Variants in SPIDR observed in about 807,000 individuals in gnomAD.
The protein encoded by SPIDR is DNA repair-scaffolding protein.
SPIDR carries 93 observed loss-of-function variants against 104.6 expected under a neutral mutation model. The observed-to-expected ratio is 0.89, with a 90% CI of 0.75 to 1.06. The LOEUF (loss-of-function observed/expected upper bound fraction) is 1.06. SPIDR is among the 50% of genes least tolerant of loss of function. SPIDR has a pLI of 0.00. For missense variants in SPIDR, 1,154 were observed against 1,111.2 expected (o/e 1.04, Z -0.55); for synonymous variants, 431 against 416.9 (o/e 1.03, Z -0.41).
At chr8:47,654,083 GC>G in intron 10 of SPIDR, 2 of 1,289,778 alleles carry the variant, frequency 1.6e-6, no homozygotes, top group Non-Finnish European at 2.0e-6. Flanking sequence ...ATCTTCTTAG[GC>G]CCCACCATGT....
At chr8:47,341,625 C>G (rs1357206295) in intron 5 of SPIDR, among the ~76,000 whole-genome samples, 1 of 152,020 alleles carries the variant, frequency 6.6e-6, no homozygotes, top group Admixed American at 6.6e-5. Flanking sequence ...TTTCCCTACA[C>G]CTGGATCTCC....
At chr8:47,331,992 T>C (rs2048812616) in intron 5 of SPIDR, among the ~76,000 whole-genome samples, 21 of 104,062 alleles carry the variant, frequency 2.0e-4, no homozygotes, top group Non-Finnish European at 3.4e-4. Flanking sequence ...TTTTTCTCTT[T>C]TTTTTTTTTT....
intron 6 of SPIDR, among the ~76,000 whole-genome samples, chr8:47,398,147 G>C (rs1181524133): frequency 6.6e-6 from 1 of 152,202 alleles, no homozygotes. Flanking sequence ...ATTTGTAATA[G>C]AAGGTGGTTT....
intron 5 of SPIDR, among the ~76,000 whole-genome samples, chr8:47,372,536 G>C (rs1725000823): frequency 6.6e-6 from 1 of 152,176 alleles, no homozygotes; most frequent in African/African-American, 2.4e-5. Context: ...TGAGGCAGGA[G>C]AATCGCTTGA....
At position 47,329,133 on chromosome 8, in the gene SPIDR, T is replaced by C. The variant is rs369012050; in HGVS notation, c.525+35103T>C. On this transcript the variant is annotated intron_variant, in intron 5 of 19. Coordinates refer to ENST00000297423, the MANE Select transcript of SPIDR (RefSeq NM_001080394.4). ...TCGCCCAGGCTGGAGTGCAGTGGTG[T>C]AATCTCAGCTCACTGCAACCTCCGC... Among the ~76,000 whole-genome samples the C allele has an allele frequency of 3.0e-3, 455 of 151,222 alleles. 1 individual carries two copies. Among genetic ancestry groups the C allele is most frequent in the African/African-American group, 0.011 (444 of 41,128 alleles).
chr8:47,520,818 A>G (rs141242585), intron 8 of SPIDR, among the ~76,000 whole-genome samples: 1 of 152,308 alleles, frequency 6.6e-6, no homozygotes, highest in East Asian at 1.9e-4. Flanking sequence ...TTGCCATCCT[A>G]TGATCTGTAG....
chr8:47,701,532 A>G (rs952037467), intron 12 of SPIDR, among the ~76,000 whole-genome samples, 189 bp from the exon 13 acceptor site: 2 of 152,252 alleles, frequency 1.3e-5, no homozygotes, highest in Admixed American at 6.5e-5. Context: ...TAATAGGTTC[A>G]TAAGTATGGA....
chr8:47,304,022 G>C (rs1185778614), intron 5 of SPIDR, among the ~76,000 whole-genome samples: 2 of 152,108 alleles, frequency 1.3e-5, no homozygotes, highest in African/African-American at 4.8e-5. Flanking sequence ...TTTGATTACT[G>C]ATAAGACTTT....
Position 47,520,599 on chromosome 8 carries a change from T to G in SPIDR, c.1098-75212T>G, listed in dbSNP as rs563157805. ...GGAAGTGGCATGAAAATTCTTAACT[T>G]ATTCCTTTCAAAAAAGAAGCTAACT... On this transcript the variant is annotated intron_variant, in intron 8 of 19. Coordinates refer to ENST00000297423, the MANE Select transcript of SPIDR (RefSeq NM_001080394.4). Among the ~76,000 whole-genome samples the G allele has an allele frequency of 2.1e-4, 32 of 152,340 alleles. No homozygotes were observed. The South Asian group carries it at 6.6e-3, about 32-fold the overall frequency.
chr8:47,445,522 C>T (rs2070413245), intron 8 of SPIDR, among the ~76,000 whole-genome samples: 1 of 152,112 alleles, frequency 6.6e-6, no homozygotes, highest in African/African-American at 2.4e-5. Flanking sequence ...CCCTAATATG[C>T]CCTCTAAGTG....
intron 5 of SPIDR, among the ~76,000 whole-genome samples, chr8:47,340,402 T>C (rs114322135): frequency 0.021 from 3,251 of 152,050 alleles, 122 homozygotes; most frequent in African/African-American, 0.074. Context: ...GTCAGGAGTT[T>C]GAGATGAGGC....
chr8:47,702,940 G>T (rs769732325), intron 14 of SPIDR, among the ~76,000 whole-genome samples: 31 of 152,232 alleles, frequency 2.0e-4, no homozygotes, highest in Non-Finnish European at 4.0e-4. Context: ...AGGGCAGGAG[G>T]CTGGCACCTT....
intron 11 of SPIDR, among the ~76,000 whole-genome samples, chr8:47,676,796 G>C (rs973497209): frequency 1.3e-5 from 2 of 152,204 alleles, no homozygotes; most frequent in African/African-American, 4.8e-5. Flanking sequence ...CCTACCCGCT[G>C]TTGAATGGCT....
At chr8:47,726,979 G>A (rs1446634586) in intron 16 of SPIDR, among the ~76,000 whole-genome samples, 1 of 152,206 alleles carries the variant, frequency 6.6e-6, no homozygotes, top group African/African-American at 2.4e-5. Flanking sequence ...ACTTCAGTTA[G>A]GTGGTAATAT....
intron 8 of SPIDR, among the ~76,000 whole-genome samples, chr8:47,487,606 T>G (rs2077896646): frequency 6.6e-6 from 1 of 152,180 alleles, no homozygotes; most frequent in Non-Finnish European, 1.5e-5. Flanking sequence ...TAGTTGGAAG[T>G]AAAGCACTCC....
At chr8:47,459,758 G>A (rs1364974043) in intron 8 of SPIDR, among the ~76,000 whole-genome samples, 1 of 151,944 alleles carries the variant, frequency 6.6e-6, no homozygotes, top group Admixed American at 6.6e-5. Context: ...CAGACTTTTT[G>A]TTGTGGGCAT....
chr8:47,330,261 C>T (rs1387535406), intron 5 of SPIDR, among the ~76,000 whole-genome samples: 1 of 151,802 alleles, frequency 6.6e-6, no homozygotes, highest in Non-Finnish European at 1.5e-5. Context: ...CAGAGGTATC[C>T]CATAATTCCC....
intron 5 of SPIDR, among the ~76,000 whole-genome samples, chr8:47,312,492 G>T (rs1435498848): frequency 6.6e-6 from 1 of 152,110 alleles, no homozygotes; most frequent in Non-Finnish European, 1.5e-5. Context: ...ATTTTTTCAT[G>T]TGTTTTTTGG....
chr8:47,468,484 T>C (rs2075230958), intron 8 of SPIDR, among the ~76,000 whole-genome samples: 1 of 152,168 alleles, frequency 6.6e-6, no homozygotes, highest in Non-Finnish European at 1.5e-5. Context: ...AAAGACAGTA[T>C]AGTACTGGTA....
Sources: gnomAD v4.1 joint callset for allele counts (sites outside exome capture counted in the v4.1 genomes callset) on GRCh38, gnomAD v4.1.1 for gene constraint, MANE v1.5 for transcripts, NCBI Gene and HGNC (gene_info 2026-07-23, HGNC 2026-07-21) for gene names.